The following FRYL variants were observed in gnomAD, a reference collection of about 807,000 sequenced individuals.
FRYL encodes the protein FRY like transcription coactivator.
In FRYL, 150 loss-of-function variants were observed where a neutral mutation model predicts 351.2. That is an observed-to-expected ratio of 0.43 (90% CI 0.37 to 0.49). The LOEUF (loss-of-function observed/expected upper bound fraction) is 0.49. FRYL is among the 20% of genes least tolerant of loss of function. FRYL has a pLI of 0.00. For synonymous variants in FRYL, 1,153 were observed against 1,257.1 expected (o/e 0.92, Z 1.75); for missense variants, 3,036 against 3,619.3 (o/e 0.84, Z 4.13).
At chr4:48,508,241 T>G (rs1294279442) in intron 59 of FRYL, among the ~76,000 whole-genome samples, 5 of 152,214 alleles carry the variant, frequency 3.3e-5, no homozygotes, top group Non-Finnish European at 7.3e-5. Flanking sequence ...CATTATTAGT[T>G]GTTTGAATTT....
chr4:48,587,689 G>A (rs1264559817), intron 18 of FRYL, among the ~76,000 whole-genome samples: 12 of 151,984 alleles, frequency 7.9e-5, no homozygotes, highest in Admixed American at 2.0e-4. Flanking sequence ...GATTACAGGC[G>A]CCTGCCACCA....
intron 7 of FRYL, among the ~76,000 whole-genome samples, chr4:48,614,762 A>G (rs928510993): frequency 4.0e-5 from 6 of 149,704 alleles, no homozygotes; most frequent in Non-Finnish European, 8.9e-5. Flanking sequence ...ATAATAACAA[A>G]TACTCAGGTT....
At chr4:48,588,234 C>T (rs140997791) in intron 18 of FRYL, among the ~76,000 whole-genome samples, 68 of 152,264 alleles carry the variant, frequency 4.5e-4, no homozygotes, top group African/African-American at 1.6e-3. Context: ...TATTGGCTAA[C>T]AAAGAGGAAG....
chr4:48,713,345 G>C (rs1226178115), intron 1 of FRYL, among the ~76,000 whole-genome samples: 4 of 151,960 alleles, frequency 2.6e-5, no homozygotes, highest in Admixed American at 2.6e-4. Context: ...AAAGAGTCAC[G>C]ACCCATCAGT....
chr4:48,523,887 A>AT (rs1560534576), intron 53 of FRYL, among the ~76,000 whole-genome samples: 3 of 152,236 alleles, frequency 2.0e-5, no homozygotes, highest in African/African-American at 4.8e-5. Flanking sequence ...TTCAATGGTC[A>AT]TTTTTTGCTA....
At chr4:48,704,889 C>T (rs533726256) in intron 2 of FRYL, among the ~76,000 whole-genome samples, 1 of 146,174 alleles carries the variant, frequency 6.8e-6, no homozygotes, top group South Asian at 2.1e-4. Flanking sequence ...ACGGAGGTTG[C>T]AGTAAGCCGA....
chr4:48,651,334 TG>T (rs1757656693), intron 3 of FRYL, among the ~76,000 whole-genome samples: 4 of 121,438 alleles, frequency 3.3e-5, no homozygotes, highest in African/African-American at 1.1e-4. Flanking sequence ...TGTGTGTGTG[TG>T]TGTGTAGTGG....
intron 16 of FRYL, among the ~76,000 whole-genome samples, chr4:48,593,568 ACTGCCAGCCTCAGGTGAT>A (rs72090813): frequency 0.98 from 149,173 of 151,622 alleles, 73,417 homozygotes; most frequent in East Asian, 1. Context: ...CTGGTCTCAA[ACTGCCAGCCTCAGGTGAT>A]CTGCCAGCCT....
intron 45 of FRYL, among the ~76,000 whole-genome samples, chr4:48,541,594 T>C (rs1730176119): frequency 1.3e-5 from 2 of 152,178 alleles, no homozygotes; most frequent in African/African-American, 4.8e-5. Context: ...CTGAAGGAGT[T>C]AGAAATGCTT....
intron 3 of FRYL, 21 bp from the exon 4 acceptor site, chr4:48,634,511 A>G: frequency 1.3e-6 from 2 of 1,589,554 alleles, no homozygotes; most frequent in South Asian, 2.2e-5. Context: ...AAGAAACAAA[A>G]GAACTCTACT....
intron 18 of FRYL, among the ~76,000 whole-genome samples, 194 bp from the exon 19 acceptor site, chr4:48,586,922 A>C (rs930128776): frequency 3.3e-5 from 5 of 152,142 alleles, no homozygotes; most frequent in African/African-American, 1.2e-4. Flanking sequence ...AATAATTCAA[A>C]ATAAAACCAG....
intron 61 of FRYL, among the ~76,000 whole-genome samples, chr4:48,502,262 C>T (rs962711758): frequency 7.2e-5 from 11 of 152,054 alleles, no homozygotes; most frequent in African/African-American, 2.2e-4. Flanking sequence ...CAACGTGGGC[C>T]GAGCACGGTG....
intron 44 of FRYL, among the ~76,000 whole-genome samples, chr4:48,543,306 A>T (rs1237841786): frequency 2.6e-5 from 4 of 152,200 alleles, no homozygotes; most frequent in Non-Finnish European, 5.9e-5. Flanking sequence ...TATGTTATGT[A>T]TAATTGGAAG....
chr4:48,615,823 A>C (rs1749310735), intron 7 of FRYL, among the ~76,000 whole-genome samples: 2 of 152,170 alleles, frequency 1.3e-5, no homozygotes, highest in Non-Finnish European at 2.9e-5. Flanking sequence ...CCAAAAGCCC[A>C]TCAATGATAA....
At chr4:48,604,250 C>A (rs898859094) in intron 11 of FRYL, among the ~76,000 whole-genome samples, 1 of 152,070 alleles carries the variant, frequency 6.6e-6, no homozygotes, top group Non-Finnish European at 1.5e-5. Context: ...GAGAAGCCAG[C>A]CAGAGAAAGA....
chr4:48,499,826 C>A, intron 63 of FRYL, 146 bp from the exon 64 acceptor site: 1 of 840,572 alleles, frequency 1.2e-6, no homozygotes, highest in Non-Finnish European at 1.8e-6. Context: ...CTCAAAGTAC[C>A]ACCTGAATTC....
chr4:48,741,269 C>A (rs976765046), intron 1 of FRYL, among the ~76,000 whole-genome samples: 2 of 152,070 alleles, frequency 1.3e-5, no homozygotes, highest in African/African-American at 4.8e-5. Context: ...AATGACCAGG[C>A]ACTGTGGCTC....
At chr4:48,649,113 TACC>T (rs1381334340) in intron 3 of FRYL, among the ~76,000 whole-genome samples, 1 of 152,210 alleles carries the variant, frequency 6.6e-6, no homozygotes, top group Non-Finnish European at 1.5e-5. Context: ...GATAGGTACT[TACC>T]ACAATACTAG....
chr4:48,706,074 T>G (rs1265386986), intron 2 of FRYL, among the ~76,000 whole-genome samples: 2 of 152,168 alleles, frequency 1.3e-5, no homozygotes, highest in Non-Finnish European at 2.9e-5. Flanking sequence ...TGACCTCAGG[T>G]GACCTGCCTC....
Sources: gnomAD v4.1 joint callset for allele counts (sites outside exome capture counted in the v4.1 genomes callset) on GRCh38, gnomAD v4.1.1 for gene constraint, MANE v1.5 for transcripts, NCBI Gene and HGNC (gene_info 2026-07-23, HGNC 2026-07-21) for gene names.